HEXA: variants seen among roughly 807,000 people sequenced by gnomAD.
HEXA encodes the protein beta-hexosaminidase subunit alpha.
HEXA carries 54 observed loss-of-function variants against 73.3 expected under a neutral mutation model. That is an observed-to-expected ratio of 0.74 (90% CI 0.59 to 0.92). The LOEUF (loss-of-function observed/expected upper bound fraction) is 0.92, where lower values mean the gene tolerates loss of function less well. HEXA is among the 40% of genes least tolerant of loss of function. The probability of loss-of-function intolerance (pLI) is 0.00; values close to 1 mark genes in which losing one functional copy is unlikely to be tolerated. For missense variants in HEXA, 649 were observed against 653.0 expected, an observed-to-expected ratio of 0.99 and a Z score of 0.07; for synonymous variants, 230 against 246.9, an observed-to-expected ratio of 0.93 and a Z score of 0.64.
chr15:72,372,626 C>G (rs1355362872), intron 1 of HEXA, among the ~76,000 whole-genome samples: 1 of 152,196 alleles, frequency 6.6e-6, no homozygotes, highest in African/African-American at 2.4e-5. Flanking sequence ...ATGCAACACA[C>G]ACCCTCCAAT....
Position 72,347,743 on chromosome 15 carries a change from G to GA in HEXA, c.1088dup (p.Ser364LeufsTer15), listed in dbSNP as rs1734738637. ...CCACATAGCCCTTGCCATAAGAAGA[G>GA]ACGATGTCCAGCAGCCTGGAGAGGA... On this transcript the variant is annotated frameshift_variant, in exon 10 of 14. Coordinates refer to ENST00000268097, the MANE Select transcript of HEXA (RefSeq NM_000520.6). LOFTEE classifies it high-confidence loss of function. The GA allele has an allele frequency of 1.2e-6, 2 of 1,614,074 alleles. No homozygotes were observed. Among genetic ancestry groups the GA allele is most frequent in the African/African-American group, 1.3e-5 (1 of 74,946 alleles).
intron 1 of HEXA, 109 bp from the exon 2 acceptor site, chr15:72,356,726 G>T: frequency 6.6e-7 from 1 of 1,509,488 alleles, no homozygotes; most frequent in East Asian, 2.4e-5. Context: ...GTAAAGGAAA[G>T]GGAGGACATG....
chr15:72,354,109 G>C (rs1236969769), intron 3 of HEXA: 1 of 250,506 alleles, frequency 4.0e-6, no homozygotes, highest in Non-Finnish European at 7.7e-6. Context: ...GCAAGAGTTG[G>C]ACTTTTCATG....
intron 1 of HEXA, among the ~76,000 whole-genome samples, chr15:72,368,690 T>A (rs1219605453): frequency 6.6e-6 from 1 of 152,156 alleles, no homozygotes; most frequent in South Asian, 2.1e-4. Flanking sequence ...GAGCCTCTTA[T>A]AGGAGACTGA....
chr15:72,375,122 T>C (rs1165330949), intron 1 of HEXA, among the ~76,000 whole-genome samples: 1 of 151,454 alleles, frequency 6.6e-6, no homozygotes, highest in East Asian at 2.0e-4. Flanking sequence ...GGAGTCTTGC[T>C]CTGTTGCCCA....
chr15:72,347,885 T>C (rs2303450), intron 9 of HEXA, 127 bp from the exon 10 acceptor site: 1 of 1,063,162 alleles, frequency 9.4e-7, no homozygotes, highest in Non-Finnish European at 1.4e-6. Flanking sequence ...GTCTTTCCCC[T>C]GGGCTGAAAA....
chr15:72,372,753 C>G (rs1211362991), intron 1 of HEXA, among the ~76,000 whole-genome samples: 1 of 152,206 alleles, frequency 6.6e-6, no homozygotes, highest in Non-Finnish European at 1.5e-5. Flanking sequence ...AACTGAACCT[C>G]AATACCAGAC....
chr15:72,353,216 G>C, intron 4 of HEXA, 38 bp from the exon 5 acceptor site: 2 of 1,274,494 alleles, frequency 1.6e-6, no homozygotes, highest in Non-Finnish European at 2.3e-6. Context: ...AGTTTCAAAG[G>C]AAGCTTACTA....
At chr15:72,365,099 C>T (rs550744246) in intron 1 of HEXA, among the ~76,000 whole-genome samples, 2 of 149,896 alleles carry the variant, frequency 1.3e-5, no homozygotes, top group East Asian at 4.0e-4. Context: ...TTTTTTTACT[C>T]TTTTTTTTGA....
chr15:72,373,024 A>C (rs2089013676), intron 1 of HEXA, among the ~76,000 whole-genome samples: 1 of 152,186 alleles, frequency 6.6e-6, no homozygotes, highest in Admixed American at 6.5e-5. Context: ...CCAGCTACTC[A>C]GGAGGCTGAG....
At chr15:72,344,260 A>G in intron 13 of HEXA, 120 bp from the exon 14 acceptor site, 2 of 730,026 alleles carry the variant, frequency 2.7e-6, no homozygotes, top group Non-Finnish European at 2.5e-6. Context: ...CTGTCACTGT[A>G]CACCAAATGC....
intron 1 of HEXA, among the ~76,000 whole-genome samples, chr15:72,364,818 ATT>A (rs762688276): frequency 3.2e-4 from 42 of 133,054 alleles, no homozygotes; most frequent in Admixed American, 4.5e-4. Flanking sequence ...TTTTAATTTA[ATT>A]TTTTTTTTTT....
intron 1 of HEXA, among the ~76,000 whole-genome samples, chr15:72,372,278 G>A (rs1292546996): frequency 1.3e-5 from 2 of 151,640 alleles, no homozygotes; most frequent in African/African-American, 2.4e-5. Flanking sequence ...GAACCCAGGA[G>A]GTGGAGGTTG....
At chr15:72,359,816 C>T (rs2088831516) in intron 1 of HEXA, 1 of 151,360 alleles carries the variant, frequency 6.6e-6, no homozygotes, top group Non-Finnish European at 1.5e-5. Context: ...GGTACCCTTC[C>T]TTAGTCCCCT....
chr15:72,345,316 G>A (rs376576075), intron 13 of HEXA, 130 bp downstream of exon 13: 84 of 1,511,620 alleles, frequency 5.6e-5, no homozygotes, highest in African/African-American at 1.8e-4. Flanking sequence ...GGTTGAATCC[G>A]TGGATGAGGG....
intron 1 of HEXA, among the ~76,000 whole-genome samples, chr15:72,375,450 C>G (rs1325993048): frequency 2.6e-5 from 4 of 152,224 alleles, no homozygotes; most frequent in Non-Finnish European, 4.4e-5. Flanking sequence ...CACAGTCTCA[C>G]TAGGACCCTG....
chr15:72,355,654 T>G, intron 2 of HEXA, 30 bp from the exon 3 acceptor site: 2 of 1,488,904 alleles, frequency 1.3e-6, no homozygotes, highest in Admixed American at 3.3e-5. Flanking sequence ...CTCATTTAGT[T>G]GGTTAAGGTT....
rs547192168 is a variant in HEXA, at chr15:72,346,281, T to C, written c.1375A>G (p.Met459Val). Residue 459 changes from methionine (M) to valine (V), a missense_variant, in exon 12 of 14, where the codon ATG (methionine) becomes GTG (valine). Transcript: ENST00000268097. ...GTGTTGTCCACATATTCTCCCCACA[T>C]ACAAGCCTCTCCACCAATCACCAGA... ...KALVIGGEAC[M>V]WGEYVDNTNL... 1 of 1,613,916 alleles carries C rather than the reference T, an allele frequency of 6.2e-7. No homozygotes were observed. The highest frequency in any genetic ancestry group is 8.5e-7 in the Non-Finnish European group (1 of 1,179,980).
At chr15:72,354,078 G>A (rs983443705) in intron 3 of HEXA, 4 of 321,160 alleles carry the variant, frequency 1.2e-5, no homozygotes, top group Non-Finnish European at 2.3e-5. Context: ...CATGAGGACA[G>A]ACACAGAGAC....
Sources: allele counts gnomAD v4.1 joint callset (sites outside exome capture counted in the v4.1 genomes callset), GRCh38; gene constraint gnomAD v4.1.1; transcripts MANE v1.5; gene names NCBI Gene and HGNC (gene_info 2026-07-23, HGNC 2026-07-21).